Variants in SLC45A2 observed in about 807,000 individuals in gnomAD.
SLC45A2 encodes membrane-associated transporter protein.
A neutral mutation model predicts 45.5 loss-of-function variants in SLC45A2; 36 were observed. The ratio of observed to expected loss-of-function variants is 0.79; its 90% CI spans 0.61 to 1.04. The LOEUF is 1.04. Among genes scored for constraint, SLC45A2 ranks in the 50% least tolerant of loss-of-function variants. The pLI, the probability that SLC45A2 is intolerant of heterozygous loss-of-function variation, is 0.00. For missense variants in SLC45A2, 719 were observed against 671.0 expected, an observed-to-expected ratio of 1.07 and a Z score of -0.79; for synonymous variants, 306 against 269.3, an observed-to-expected ratio of 1.14 and a Z score of -1.33.
At chr5:33,966,973 G>A (rs1295625972) in intron 2 of SLC45A2, among the ~76,000 whole-genome samples, 3 of 152,108 alleles carry the variant, frequency 2.0e-5, no homozygotes, top group Admixed American at 6.5e-5. Context: ...AACAAGGGTG[G>A]TGCTGCCTCC....
intron 3 of SLC45A2, among the ~76,000 whole-genome samples, chr5:33,959,323 G>T (rs532182348): frequency 4.6e-5 from 7 of 152,218 alleles, no homozygotes; most frequent in African/African-American, 1.7e-4. Context: ...TTATCATATA[G>T]ATATTCCGTG....
In SLC45A2 at chr5:33,984,670, C is replaced by T; in HGVS notation, c.-87G>A. On this transcript the variant is annotated 5_prime_UTR_variant, in exon 1 of 7. Transcript: ENST00000296589. ...GTTTCAAACTGGATTTGACGTGGAG[C>T]CTGGCCGAGCAACCAACAGAGATGG... 2 of 1,572,382 alleles carry T rather than the reference C, an allele frequency of 1.3e-6. No individual in the cohort carries two copies. The highest frequency in any genetic ancestry group is 1.7e-6 in the Non-Finnish European group (2 of 1,158,316).
intron 5 of SLC45A2, among the ~76,000 whole-genome samples, chr5:33,947,909 A>C (rs368706152): frequency 1.3e-5 from 2 of 152,310 alleles, no homozygotes; most frequent in Non-Finnish European, 2.9e-5. Context: ...GAGGTAAAAG[A>C]TGTACAATTA....
chr5:33,983,463 A>G (rs918927599), intron 1 of SLC45A2, among the ~76,000 whole-genome samples: 5 of 152,224 alleles, frequency 3.3e-5, no homozygotes, highest in African/African-American at 1.2e-4. Context: ...GAAATATCCT[A>G]CATTTGTACA....
At chr5:33,968,881 C>T (rs560724279) in intron 2 of SLC45A2, among the ~76,000 whole-genome samples, 3 of 152,182 alleles carry the variant, frequency 2.0e-5, no homozygotes, top group Non-Finnish European at 4.4e-5. Context: ...GGAGGACAGA[C>T]TAAAGAACTC....
chr5:33,979,320 A>G (rs1439413113), intron 2 of SLC45A2, among the ~76,000 whole-genome samples: 1 of 152,242 alleles, frequency 6.6e-6, no homozygotes, highest in Non-Finnish European at 1.5e-5. Flanking sequence ...AGTTATCTAT[A>G]GACTTGGAAG....
chr5:33,979,711 G>A (rs1753019696), intron 2 of SLC45A2, among the ~76,000 whole-genome samples: 1 of 152,192 alleles, frequency 6.6e-6, no homozygotes, highest in Non-Finnish European at 1.5e-5. Context: ...TAATGTTAAT[G>A]CTGATCAATT....
intron 2 of SLC45A2, among the ~76,000 whole-genome samples, chr5:33,964,380 A>G (rs1446099024): frequency 6.6e-6 from 1 of 152,230 alleles, no homozygotes; most frequent in African/African-American, 2.4e-5. Flanking sequence ...TGACCTTTCC[A>G]AAGTGCATTC....
chr5:33,971,098 T>C (rs1315548900), intron 2 of SLC45A2: 1 of 522,904 alleles, frequency 1.9e-6, no homozygotes, highest in Non-Finnish European at 3.9e-6. Flanking sequence ...GACCAAGATG[T>C]GTTGGGAGTT....
chr5:33,960,961 C>G (rs541608638), intron 3 of SLC45A2, among the ~76,000 whole-genome samples: 2 of 152,094 alleles, frequency 1.3e-5, no homozygotes, highest in East Asian at 3.9e-4. Flanking sequence ...TTTTGTAAAT[C>G]TAATTAAACT....
Position 33,959,130 on chromosome 5 carries a change from C to T in SLC45A2, c.888+4561G>A, listed in dbSNP as rs150118397. Among the ~76,000 whole-genome samples the T allele has an allele frequency of 4.1e-3, 625 of 152,120 alleles. 2 individuals are homozygous for T. Among genetic ancestry groups the T allele is most frequent in the Non-Finnish European group, 4.2e-3 (284 of 67,990 alleles). On this transcript the variant is annotated intron_variant, in intron 3 of 6. Transcript: ENST00000296589. The stretch of plus-strand genomic sequence containing the variant: ...AGGATTTAAAAATAGAAAATTAAAG[C>T]TTCCTGTGAGCCTATCATCCAGACT...
chr5:33,959,956 C>CA (rs547586093), intron 3 of SLC45A2, among the ~76,000 whole-genome samples: 8 of 151,810 alleles, frequency 5.3e-5, no homozygotes, highest in African/African-American at 9.7e-5. Context: ...TAACTGTATA[C>CA]AAAAAAATGA....
At chr5:33,951,488 A>T (rs746556197) in intron 5 of SLC45A2, 66 bp downstream of exon 5, 1 of 1,611,880 alleles carries the variant, frequency 6.2e-7, no homozygotes, top group South Asian at 1.1e-5. Flanking sequence ...ACATAGAAAT[A>T]TCAAATCCAA....
intron 4 of SLC45A2, among the ~76,000 whole-genome samples, chr5:33,954,043 C>G (rs1160989689): frequency 6.7e-6 from 1 of 150,290 alleles, no homozygotes; most frequent in Non-Finnish European, 1.5e-5. Context: ...AATACAGGAG[C>G]ACCCAGATTC....
intron 3 of SLC45A2, among the ~76,000 whole-genome samples, chr5:33,959,003 T>A (rs572021421): frequency 8.5e-5 from 13 of 152,306 alleles, no homozygotes; most frequent in Admixed American, 2.6e-4. Flanking sequence ...CGCACCTTGT[T>A]TTGTTCCCCA....
intron 2 of SLC45A2, among the ~76,000 whole-genome samples, chr5:33,970,441 C>T (rs554154957): frequency 9.8e-5 from 15 of 152,366 alleles, no homozygotes; most frequent in African/African-American, 3.6e-4. Flanking sequence ...CATTTCCTTA[C>T]TCTTGCTCTC....
intron 2 of SLC45A2, among the ~76,000 whole-genome samples, chr5:33,973,932 A>G (rs986730325): frequency 7.0e-6 from 1 of 143,194 alleles, no homozygotes; most frequent in Non-Finnish European, 1.6e-5. Context: ...AAGCTCAGAA[A>G]TGCTGAGGCT....
intron 2 of SLC45A2, among the ~76,000 whole-genome samples, chr5:33,977,612 A>G (rs946607041): frequency 1.3e-5 from 2 of 152,158 alleles, no homozygotes; most frequent in African/African-American, 4.8e-5. Flanking sequence ...AAGACCCAGA[A>G]CCTGAAGAAG....
At chr5:33,962,563 A>G (rs1752483707) in intron 3 of SLC45A2, among the ~76,000 whole-genome samples, 1 of 152,214 alleles carries the variant, frequency 6.6e-6, no homozygotes, top group Non-Finnish European at 1.5e-5. Context: ...GGGTCAAAAT[A>G]ACAAGGCCTA....
Sources: allele counts gnomAD v4.1 joint callset (sites outside exome capture counted in the v4.1 genomes callset), GRCh38; gene constraint gnomAD v4.1.1; transcripts MANE v1.5; gene names NCBI Gene and HGNC (gene_info 2026-07-23, HGNC 2026-07-21).